The following PI4K2B variants were observed in gnomAD, a reference collection of about 807,000 sequenced individuals.
PI4K2B encodes phosphatidylinositol 4-kinase type 2 beta, also known as phosphatidylinositol 4-kinase type 2-beta.
A neutral mutation model predicts 56.6 loss-of-function variants in PI4K2B; 46 were observed. That is an observed-to-expected ratio of 0.81 (90% confidence interval 0.64 to 1.04). The LOEUF (loss-of-function observed/expected upper bound fraction) is 1.04. Among genes scored for constraint, PI4K2B ranks in the 50% least tolerant of loss-of-function variants. The probability of loss-of-function intolerance (pLI) is 0.00; values close to 1 mark genes in which losing one functional copy is unlikely to be tolerated. For synonymous variants in PI4K2B, 211 were observed against 223.8 expected (o/e 0.94, Z 0.51); for missense variants, 556 against 607.7 (o/e 0.91, Z 0.89).
chr4:25,234,510 G>C, intron 1 of PI4K2B, 79 bp downstream of exon 1: 1 of 1,054,010 alleles, frequency 9.5e-7, no homozygotes, highest in Non-Finnish European at 1.2e-6. Context: ...TGTCTCCCGC[G>C]CGCGCTGGCC....
intron 9 of PI4K2B, among the ~76,000 whole-genome samples, chr4:25,271,531 G>C (rs1481997015): frequency 6.6e-6 from 1 of 152,110 alleles, no homozygotes; most frequent in East Asian, 1.9e-4. Context: ...TCACTAAGAG[G>C]CTTTTTCTGG....
chr4:25,271,071 G>A (rs1055812952), intron 9 of PI4K2B, among the ~76,000 whole-genome samples: 6 of 152,170 alleles, frequency 3.9e-5, no homozygotes, highest in African/African-American at 1.2e-4. Context: ...GCCAGGGCTC[G>A]GTGAAAAGGG....
chr4:25,234,072 C>G lies in PI4K2B; in HGVS notation c.-92C>G. ...GCTGGTGAGGTGGCGTCCGTTCTAC[C>G]CGGTCGCTCCCGTTCCGCGCCATGC... On this transcript the variant is annotated 5_prime_UTR_variant, in exon 1 of 10. Coordinates refer to ENST00000264864, the MANE Select transcript of PI4K2B (RefSeq NM_018323.4). The G allele has an allele frequency of 9.1e-7, 1 of 1,096,108 alleles. No individual in the cohort carries two copies. Among genetic ancestry groups the G allele is most frequent in the Non-Finnish European group, 1.2e-6 (1 of 862,596 alleles). 67.9% of individuals were successfully genotyped at this position (1,096,108 alleles called of 1,614,324 possible). A position where few individuals can be genotyped will look rare whatever the true frequency, so the allele number is the denominator to read the frequency against.
At position 25,235,049 on chromosome 4, in the gene PI4K2B, G is replaced by T. The variant is rs533411496; in HGVS notation, c.268+618G>T. 9.1e-4 allele frequency among the ~76,000 whole-genome samples: 139 copies of T among 152,322 alleles called. 1 individual carries two copies. The highest frequency in any genetic ancestry group is 2.3e-3 in the Admixed American group (35 of 15,306). On this transcript the variant is annotated intron_variant, in intron 1 of 9. Coordinates refer to ENST00000264864, the MANE Select transcript of PI4K2B (RefSeq NM_018323.4). ...AAAAACCTCTTTTCGCTATTAAGCG[G>T]ACTGATAACCTCAGGCGAAACAGGG...
intron 1 of PI4K2B, among the ~76,000 whole-genome samples, chr4:25,251,898 A>G (rs1034087158): frequency 6.6e-6 from 1 of 152,030 alleles, no homozygotes; most frequent in Admixed American, 6.6e-5. Flanking sequence ...ATCTCTGCTC[A>G]CTGCAACCTC....
At chr4:25,235,088 G>A (rs1419257461) in intron 1 of PI4K2B, among the ~76,000 whole-genome samples, 2 of 152,206 alleles carry the variant, frequency 1.3e-5, no homozygotes, top group Non-Finnish European at 2.9e-5. Context: ...TTGAAATGAT[G>A]TTGAAGGTTA....
chr4:25,276,705 A>G (rs1717108412), intron 9 of PI4K2B: 2 of 985,260 alleles, frequency 2.0e-6, no homozygotes, highest in Non-Finnish European at 2.4e-6. Flanking sequence ...AGACCTCTTC[A>G]CTTACCGTTC....
At chr4:25,273,700 CCT>C (rs1716997557) in intron 9 of PI4K2B, among the ~76,000 whole-genome samples, 1 of 152,212 alleles carries the variant, frequency 6.6e-6, no homozygotes, top group South Asian at 2.1e-4. Context: ...TCTAAGTTGA[CCT>C]TCCCTCTTCT....
chr4:25,277,210 A>G lies in PI4K2B; in HGVS notation c.*23A>G. The G allele has an allele frequency of 1.3e-6, 2 of 1,594,940 alleles. No individual in the cohort carries two copies. Among genetic ancestry groups the G allele is most frequent in the African/African-American group, 2.7e-5 (2 of 74,764 alleles). On this transcript the variant is annotated 3_prime_UTR_variant, in exon 10 of 10. Coordinates refer to ENST00000264864, the MANE Select transcript of PI4K2B (RefSeq NM_018323.4). ...TAGTAAATGTCAGAGTAAGAGAAACAAACTGTTTAGAATTATCATGTTTTT... is the reference window on the plus strand; with the variant it reads ...TAGTAAATGTCAGAGTAAGAGAAACGAACTGTTTAGAATTATCATGTTTTT...
chr4:25,242,486 G>C (rs2109086109), intron 1 of PI4K2B, among the ~76,000 whole-genome samples: 1 of 152,338 alleles, frequency 6.6e-6, no homozygotes, highest in Non-Finnish European at 1.5e-5. Context: ...TTGAGGTCCA[G>C]AACCGTGAAC....
chr4:25,248,958 C>T (rs1051995455), intron 1 of PI4K2B, among the ~76,000 whole-genome samples: 7 of 151,976 alleles, frequency 4.6e-5, no homozygotes, highest in African/African-American at 7.2e-5. Context: ...AGGGCCCTGC[C>T]GCCTTCCGCA....
Position 25,278,974 on chromosome 4 carries a change from T to C in PI4K2B, c.*1787T>C, listed in dbSNP as rs531926147. 7 of 152,694 alleles carry C rather than the reference T, an allele frequency of 4.6e-5. No individual in the cohort carries two copies. In the East Asian group the frequency reaches 7.7e-4, roughly 17 times the overall value. The allele number at this position is 152,694 out of a possible 1,614,324, so 9.5% of individuals were successfully genotyped here. A position where few individuals can be genotyped will look rare whatever the true frequency, so the allele number is the denominator to read the frequency against. ...CACAAGTCAGAGTACATTGGTTGTA[T>C]TTTGTAAACTTTCATGAACTGAATT... On this transcript the variant is annotated 3_prime_UTR_variant, in exon 10 of 10. Coordinates refer to ENST00000264864, the MANE Select transcript of PI4K2B (RefSeq NM_018323.4).
At chr4:25,266,298 C>T (rs1716662256) in intron 7 of PI4K2B, among the ~76,000 whole-genome samples, 1 of 152,202 alleles carries the variant, frequency 6.6e-6, no homozygotes, top group Admixed American at 6.5e-5. Context: ...TCTCAAGTAG[C>T]TGAGACTACA....
intron 9 of PI4K2B, among the ~76,000 whole-genome samples, chr4:25,273,606 G>A (rs1242462044): frequency 2.6e-5 from 4 of 152,266 alleles, no homozygotes; most frequent in East Asian, 1.9e-4. Flanking sequence ...AAATAAGGGC[G>A]CCTGCCAGCC....
At chr4:25,273,154 G>A (rs922937688) in intron 9 of PI4K2B, among the ~76,000 whole-genome samples, 2 of 151,472 alleles carry the variant, frequency 1.3e-5, no homozygotes, top group African/African-American at 4.9e-5. Context: ...ATTCAGAGCT[G>A]GTAATAATGT....
At chr4:25,273,058 G>A (rs746026983) in intron 9 of PI4K2B, among the ~76,000 whole-genome samples, 12 of 151,914 alleles carry the variant, frequency 7.9e-5, no homozygotes, top group Non-Finnish European at 1.5e-4. Flanking sequence ...GTAGTAAGCC[G>A]TTAGTTTTAC....
chr4:25,241,309 C>T (rs537045853), intron 1 of PI4K2B, among the ~76,000 whole-genome samples: 2 of 152,254 alleles, frequency 1.3e-5, no homozygotes, highest in Non-Finnish European at 2.9e-5. Flanking sequence ...GGTTACATCA[C>T]TAACTATGGT....
At chr4:25,249,019 C>T (rs904926502) in intron 1 of PI4K2B, among the ~76,000 whole-genome samples, 52 of 152,110 alleles carry the variant, frequency 3.4e-4, no homozygotes, top group Middle Eastern at 3.4e-3. Context: ...TGACTCTTAA[C>T]GAGTATGCTG....
chr4:25,246,719 G>T (rs530306092), intron 1 of PI4K2B, among the ~76,000 whole-genome samples: 1 of 152,358 alleles, frequency 6.6e-6, no homozygotes, highest in Non-Finnish European at 1.5e-5. Flanking sequence ...AGCCCACGGC[G>T]GCGGGGGGAG....
Sources: allele counts gnomAD v4.1 joint callset (sites outside exome capture counted in the v4.1 genomes callset), GRCh38; gene constraint gnomAD v4.1.1; transcripts MANE v1.5; gene names NCBI Gene and HGNC (gene_info 2026-07-23, HGNC 2026-07-21).